Variants in RBFOX1 observed in about 807,000 individuals in gnomAD.
The protein encoded by RBFOX1 is RNA binding fox-1 homolog 1, also known as RNA binding protein fox-1 homolog 1.
Under a neutral mutation model 57.7 loss-of-function variants are expected in RBFOX1, and 8 were observed. The observed-to-expected ratio is 0.14, with a 90% CI of 0.08 to 0.25. The LOEUF is 0.25. Among genes scored for constraint, RBFOX1 ranks in the 10% least tolerant of loss-of-function variants. RBFOX1 has a pLI of 1.00. For synonymous variants in RBFOX1, 326 were observed against 222.4 expected (o/e 1.47, Z -4.15); for missense variants, 611 against 548.5 (o/e 1.11, Z -1.14).
chr16:7,498,842 G>C (rs1246516997), intron 4 of RBFOX1, among the ~76,000 whole-genome samples: 2 of 152,244 alleles, frequency 1.3e-5, no homozygotes, highest in Admixed American at 6.5e-5. Context: ...GCTTCACAGA[G>C]AGCAAATGAG....
At chr16:5,684,534 A>G (rs549257793) in intron 3 of RBFOX1, among the ~76,000 whole-genome samples, 56 of 152,238 alleles carry the variant, frequency 3.7e-4, no homozygotes, top group African/African-American at 1.3e-3. Context: ...GCCTCACACA[A>G]ACACCTACAT....
At chr16:5,904,380 G>A (rs781575963) in intron 4 of RBFOX1, among the ~76,000 whole-genome samples, 1 of 152,042 alleles carries the variant, frequency 6.6e-6, no homozygotes, top group African/African-American at 2.4e-5. Flanking sequence ...TTGGGGACAG[G>A]TGTTTAGGAG....
At chr16:5,490,415 A>G (rs1051722713) in intron 2 of RBFOX1, among the ~76,000 whole-genome samples, 2 of 152,210 alleles carry the variant, frequency 1.3e-5, no homozygotes, top group African/African-American at 4.8e-5. Context: ...GGTTCCTCCT[A>G]TTCATAGCTG....
intron 4 of RBFOX1, among the ~76,000 whole-genome samples, chr16:7,347,556 G>C (rs9941105): frequency 0.39 from 59,867 of 151,858 alleles, 14,766 homozygotes; most frequent in African/African-American, 0.71. Context: ...ACAGCCAAAC[G>C]ATATCAAGTG....
intron 4 of RBFOX1, among the ~76,000 whole-genome samples, chr16:7,362,656 GT>G (rs1271722872): frequency 6.6e-6 from 1 of 150,456 alleles, no homozygotes; most frequent in African/African-American, 2.5e-5. Context: ...GTATGTGTAT[GT>G]TTTTTATGTT....
chr16:5,839,144 T>C (rs989536730), intron 3 of RBFOX1, among the ~76,000 whole-genome samples: 3 of 152,202 alleles, frequency 2.0e-5, no homozygotes, highest in East Asian at 1.9e-4. Flanking sequence ...CACGGACTTA[T>C]AACTAGAAGT....
chr16:6,863,394 A>G (rs1190282901), intron 3 of RBFOX1, among the ~76,000 whole-genome samples: 1 of 152,098 alleles, frequency 6.6e-6, no homozygotes. Flanking sequence ...CTAAAGATTC[A>G]AAGCTCCTTA....
chr16:6,681,006 C>G (rs1431126820), intron 3 of RBFOX1, among the ~76,000 whole-genome samples: 1 of 152,088 alleles, frequency 6.6e-6, no homozygotes, highest in Non-Finnish European at 1.5e-5. Flanking sequence ...GTACTGGTCT[C>G]AAAGTAAGTA....
intron 2 of RBFOX1, among the ~76,000 whole-genome samples, chr16:6,472,279 G>A (rs1331996090): frequency 1.3e-5 from 2 of 152,228 alleles, no homozygotes; most frequent in Non-Finnish European, 2.9e-5. Context: ...AAACCCTGCA[G>A]CGTTAGGGAG....
chr16:6,048,911 A>C (rs754309954), intron 1 of RBFOX1, among the ~76,000 whole-genome samples: 23 of 152,080 alleles, frequency 1.5e-4, no homozygotes, highest in African/African-American at 4.8e-4. Context: ...TGTCCTTTTT[A>C]GATGCTGAGT....
intron 4 of RBFOX1, among the ~76,000 whole-genome samples, chr16:7,377,566 G>GA (rs1022397821): frequency 1.3e-5 from 2 of 152,276 alleles, no homozygotes; most frequent in East Asian, 1.9e-4. Flanking sequence ...TGCAGGGCAG[G>GA]AAAAAATGTT....
At chr16:6,001,768 T>C (rs1016820073) in intron 4 of RBFOX1, among the ~76,000 whole-genome samples, 3 of 152,114 alleles carry the variant, frequency 2.0e-5, no homozygotes, top group Non-Finnish European at 4.4e-5. Flanking sequence ...GGTACAAATA[T>C]ATGACAGAAG....
chr16:5,539,039 A>G (rs1202459873), intron 2 of RBFOX1, among the ~76,000 whole-genome samples: 1 of 151,970 alleles, frequency 6.6e-6, no homozygotes, highest in East Asian at 1.9e-4. Context: ...AGGTTGGGAG[A>G]TGTATGTTGA....
chr16:6,626,113 T>A (rs545197049), intron 2 of RBFOX1, among the ~76,000 whole-genome samples: 15 of 152,166 alleles, frequency 9.9e-5, no homozygotes, highest in African/African-American at 3.4e-4. Flanking sequence ...TGTACCAACA[T>A]TGCATCAAGG....
At chr16:6,239,940 G>A in intron 1 of RBFOX1, among the ~76,000 whole-genome samples, 1 of 152,164 alleles carries the variant, frequency 6.6e-6, no homozygotes, top group East Asian at 1.9e-4. Context: ...ATCCCCAATG[G>A]TGGGGGGTGT....
At chr16:5,730,277 G>A (rs1340442860) in intron 3 of RBFOX1, among the ~76,000 whole-genome samples, 1 of 152,094 alleles carries the variant, frequency 6.6e-6, no homozygotes, top group Non-Finnish European at 1.5e-5. Flanking sequence ...CCTGATCCTT[G>A]GGGATTTAGT....
At chr16:7,520,506 C>T (rs1056130282) in intron 5 of RBFOX1, among the ~76,000 whole-genome samples, 5 of 152,108 alleles carry the variant, frequency 3.3e-5, no homozygotes, top group Admixed American at 6.5e-5. Context: ...TCTCTTAACA[C>T]GATGTTGTCT....
intron 4 of RBFOX1, among the ~76,000 whole-genome samples, chr16:7,128,660 T>A (rs1388142375): frequency 6.6e-6 from 1 of 152,114 alleles, no homozygotes; most frequent in African/African-American, 2.4e-5. Flanking sequence ...TACCAGAATA[T>A]GTTACAAGTC....
At chr16:7,682,740 G>C (rs2075087450) in intron 14 of RBFOX1, among the ~76,000 whole-genome samples, 1 of 151,200 alleles carries the variant, frequency 6.6e-6, no homozygotes, top group Non-Finnish European at 1.5e-5. Context: ...TAGAACTCCA[G>C]GTTGAGCACG....
Sources: allele counts gnomAD v4.1 joint callset (sites outside exome capture counted in the v4.1 genomes callset), GRCh38; gene constraint gnomAD v4.1.1; transcripts MANE v1.5; gene names NCBI Gene and HGNC (gene_info 2026-07-23, HGNC 2026-07-21).